Variants in CALN1 observed in about 807,000 individuals in gnomAD.
CALN1 encodes the protein calneuron 1.
Under a neutral mutation model 30.6 loss-of-function variants are expected in CALN1, and 17 were observed. The observed-to-expected ratio is 0.56, with a 90% CI of 0.38 to 0.83. The LOEUF (loss-of-function observed/expected upper bound fraction) is 0.83. Among genes scored for constraint, CALN1 ranks in the 40% least tolerant of loss-of-function variants. CALN1 has a pLI of 0.00. For missense variants in CALN1, 291 were observed against 354.9 expected (o/e 0.82, Z 1.45); for synonymous variants, 156 against 131.4 (o/e 1.19, Z -1.28).
intron 5 of CALN1, among the ~76,000 whole-genome samples, chr7:72,022,433 C>A (rs1336531619): frequency 6.6e-6 from 1 of 152,178 alleles, no homozygotes; most frequent in African/African-American, 2.4e-5. Flanking sequence ...TGCTCTGTTG[C>A]CCATGCTAGA....
intron 3 of CALN1, among the ~76,000 whole-genome samples, chr7:72,183,379 A>G (rs1789954795): frequency 6.6e-6 from 1 of 152,216 alleles, no homozygotes; most frequent in East Asian, 1.9e-4. Flanking sequence ...GACGAATTAG[A>G]AATCTACAGT....
intron 3 of CALN1, among the ~76,000 whole-genome samples, chr7:72,275,369 C>A (rs747483204): frequency 1.3e-5 from 2 of 152,086 alleles, no homozygotes; most frequent in Non-Finnish European, 2.9e-5. Context: ...GCTTCCCCAA[C>A]ACCAATCCAT....
chr7:71,949,440 G>A (rs1193671919), intron 5 of CALN1, among the ~76,000 whole-genome samples: 1 of 152,176 alleles, frequency 6.6e-6, no homozygotes, highest in Non-Finnish European at 1.5e-5. Context: ...CTGGAGTGCA[G>A]TGGTGTGATC....
At position 72,423,538 on chromosome 7, in the gene CALN1, A is replaced by G. The variant is rs147539245; in HGVS notation, c.-225-11263T>C. Among the ~76,000 whole-genome samples, 131 of 152,330 alleles carry G rather than the reference A, an allele frequency of 8.6e-4. No individual in the cohort carries two copies. The East Asian group carries it at 0.024, about 28-fold the overall frequency. ...GAGACCCAGAGATACCAGCCCTGGGACACAGCAGTAATAATAACCTTGCTA... is the reference window on the plus strand; with the variant it reads ...GAGACCCAGAGATACCAGCCCTGGGGCACAGCAGTAATAATAACCTTGCTA... On this transcript the variant is annotated intron_variant, in intron 1 of 6. Transcript: ENST00000395276.
At chr7:72,091,842 T>A (rs944867961) in intron 4 of CALN1, among the ~76,000 whole-genome samples, 1 of 152,218 alleles carries the variant, frequency 6.6e-6, no homozygotes, top group Non-Finnish European at 1.5e-5. Flanking sequence ...AATGTATATT[T>A]TTAATGTGAG....
At chr7:72,087,826 A>G (rs542872070) in intron 4 of CALN1, among the ~76,000 whole-genome samples, 20 of 152,322 alleles carry the variant, frequency 1.3e-4, no homozygotes, top group Admixed American at 1.1e-3. Flanking sequence ...AAAACAAAAA[A>G]GGGTTGAACA....
chr7:72,135,410 G>A (rs934063242), intron 3 of CALN1, among the ~76,000 whole-genome samples: 1 of 152,180 alleles, frequency 6.6e-6, no homozygotes, highest in African/African-American at 2.4e-5. Flanking sequence ...ACTCCTTGAT[G>A]TATGGGCTGC....
intron 2 of CALN1, among the ~76,000 whole-genome samples, chr7:72,344,697 TTTTA>T (rs1417612687): frequency 6.8e-6 from 1 of 147,290 alleles, no homozygotes; most frequent in Non-Finnish European, 1.5e-5. Context: ...TTATTTACAT[TTTTA>T]TTTATATATG....
At chr7:71,790,360 AAAG>A (rs1793276933) in intron 6 of CALN1, among the ~76,000 whole-genome samples, 1 of 86,972 alleles carries the variant, frequency 1.1e-5, no homozygotes, top group African/African-American at 4.2e-5. Flanking sequence ...AGAAAGAAAG[AAAG>A]AAAGAAAAGA....
chr7:72,261,337 A>C (rs993227523), intron 3 of CALN1, among the ~76,000 whole-genome samples: 6 of 152,126 alleles, frequency 3.9e-5, no homozygotes, highest in African/African-American at 1.4e-4. Flanking sequence ...CAAAAACACA[A>C]AAAATCTATC....
chr7:72,063,327 A>G (rs976784372), intron 4 of CALN1, among the ~76,000 whole-genome samples: 3 of 152,260 alleles, frequency 2.0e-5, no homozygotes, highest in African/African-American at 7.2e-5. Flanking sequence ...AACATCTGCA[A>G]AGCCATACAA....
At chr7:72,313,318 A>C (rs1051147723) in intron 2 of CALN1, among the ~76,000 whole-genome samples, 10 of 152,204 alleles carry the variant, frequency 6.6e-5, no homozygotes, top group Non-Finnish European at 1.5e-4. Flanking sequence ...AAATCGAAAA[A>C]ACATTTGGAA....
At chr7:71,987,596 A>G (rs1798740698) in intron 5 of CALN1, among the ~76,000 whole-genome samples, 4 of 152,194 alleles carry the variant, frequency 2.6e-5, no homozygotes, top group Admixed American at 2.6e-4. Flanking sequence ...GGCTTGTGAA[A>G]GTGTTACGCA....
chr7:72,485,363 A>C, the CALN1 span, among the ~76,000 whole-genome samples: 1 of 152,202 alleles, frequency 6.6e-6, no homozygotes, highest in Admixed American at 6.5e-5. Context: ...GTTTAAGATC[A>C]GCCTGAGCAA....
At chr7:72,471,697 C>A in the CALN1 span, among the ~76,000 whole-genome samples, 4 of 152,166 alleles carry the variant, frequency 2.6e-5, no homozygotes, top group African/African-American at 7.2e-5. Flanking sequence ...GGAGCTGGCC[C>A]ATCAAGCGGG....
At chr7:72,299,940 C>A (rs1429194516) in intron 2 of CALN1, among the ~76,000 whole-genome samples, 1 of 151,984 alleles carries the variant, frequency 6.6e-6, no homozygotes, top group Non-Finnish European at 1.5e-5. Context: ...CTCTGTCACC[C>A]AGGCTGGAGA....
At chr7:72,390,379 C>T (rs1288446727) in intron 2 of CALN1, among the ~76,000 whole-genome samples, 7 of 151,952 alleles carry the variant, frequency 4.6e-5, no homozygotes, top group African/African-American at 7.2e-5. Context: ...TGTAGTGAGC[C>T]GAGATCACGC....
At chr7:71,882,026 G>A (rs1792600003) in intron 5 of CALN1, among the ~76,000 whole-genome samples, 1 of 152,068 alleles carries the variant, frequency 6.6e-6, no homozygotes, top group Admixed American at 6.6e-5. Flanking sequence ...TGAGCTGATT[G>A]TGCTACTGGA....
chr7:72,243,682 C>A (rs1356706468), intron 3 of CALN1, among the ~76,000 whole-genome samples: 1 of 152,088 alleles, frequency 6.6e-6, no homozygotes, highest in Non-Finnish European at 1.5e-5. Context: ...AAACCCCTGG[C>A]CCTTCTGAGC....
Sources: allele counts gnomAD v4.1 joint callset (sites outside exome capture counted in the v4.1 genomes callset), GRCh38; gene constraint gnomAD v4.1.1; transcripts MANE v1.5; gene names NCBI Gene and HGNC (gene_info 2026-07-23, HGNC 2026-07-21).